The following SNX29 variants were observed in gnomAD, a reference collection of about 807,000 sequenced individuals.
SNX29 encodes sorting nexin 29.
Under a neutral mutation model 102.1 loss-of-function variants are expected in SNX29, and 78 were observed. The ratio of observed to expected loss-of-function variants is 0.76; its 90% CI spans 0.64 to 0.92. The LOEUF is 0.92. Among genes scored for constraint, SNX29 ranks in the 40% least tolerant of loss-of-function variants. The pLI, the probability that SNX29 is intolerant of heterozygous loss-of-function variation, is 0.00. For missense variants in SNX29, 1,280 were observed against 1,061.7 expected (o/e 1.21, Z -2.86); for synonymous variants, 580 against 414.5 (o/e 1.40, Z -4.85).
chr16:12,320,300 C>G (rs1323253377), intron 15 of SNX29, among the ~76,000 whole-genome samples: 1 of 152,212 alleles, frequency 6.6e-6, no homozygotes, highest in East Asian at 1.9e-4. Flanking sequence ...CCAGCCCTGC[C>G]ATTGGAAGGG....
Position 12,572,741 on chromosome 16 carries a change from C to CT in SNX29, c.*4113dup. 9.4e-7 allele frequency: 1 copy of CT among 1,064,104 alleles called. No homozygotes were observed. The highest frequency in any genetic ancestry group is 1.6e-5 in the African/African-American group (1 of 61,128). The allele number at this position is 1,064,104 out of a possible 1,614,324, so 65.9% of individuals were successfully genotyped here. A position where few individuals can be genotyped will look rare whatever the true frequency, so the allele number is the denominator to read the frequency against. Reference sequence around the variant, plus strand: ...CACAGAACTGATGGCAAAGGAAGGGCTGGGTTTTCAGCTTCTGGGACCCGA... The same window carrying CT: ...CACAGAACTGATGGCAAAGGAAGGGCTTGGGTTTTCAGCTTCTGGGACCCGA... On this transcript the variant is annotated 3_prime_UTR_variant, in exon 21 of 21. Transcript: ENST00000566228.
chr16:12,528,824 G>A (rs1003957364), intron 20 of SNX29, among the ~76,000 whole-genome samples: 1 of 152,234 alleles, frequency 6.6e-6, no homozygotes, highest in Non-Finnish European at 1.5e-5. Flanking sequence ...CAGGGCCACT[G>A]ATCAGCTTCA....
intron 18 of SNX29, among the ~76,000 whole-genome samples, chr16:12,463,980 A>G (rs2086935030): frequency 6.6e-6 from 1 of 152,046 alleles, no homozygotes; most frequent in South Asian, 2.1e-4. Flanking sequence ...AAGTTATAAG[A>G]TGTACCCTTT....
intron 20 of SNX29, among the ~76,000 whole-genome samples, chr16:12,536,344 C>G (rs544693131): frequency 2.0e-5 from 3 of 151,968 alleles, no homozygotes; most frequent in Non-Finnish European, 4.4e-5. Flanking sequence ...GGAAACAAGC[C>G]GTACTGTCAG....
intron 3 of SNX29, among the ~76,000 whole-genome samples, chr16:12,012,347 G>C (rs2151060552): frequency 6.6e-6 from 1 of 152,232 alleles, no homozygotes; most frequent in South Asian, 2.1e-4. Flanking sequence ...AAAGTCAGCA[G>C]GTTCTTCTCT....
Position 12,098,895 on chromosome 16 carries a change from A to G in SNX29, c.1402+19980A>G, listed in dbSNP as rs1329611819. ...GTGGGTGGGCTCTGAGAGAACCCAC[A>G]GGAGCTGAGCTGAGGAAGAGCGCCT... is the stretch of plus-strand genomic sequence containing the variant. On this transcript the variant is annotated intron_variant, in intron 11 of 20. Coordinates refer to ENST00000566228, the MANE Select transcript of SNX29 (RefSeq NM_032167.5). The surrounding 1 kb of genome is among the most constrained non-coding windows in gnomAD (Gnocchi z 6.0). Among the ~76,000 whole-genome samples the G allele has an allele frequency of 1.3e-5, 2 of 152,224 alleles. No homozygotes were observed. Among genetic ancestry groups the G allele is most frequent in the Non-Finnish European group, 2.9e-5 (2 of 68,042 alleles).
chr16:12,312,078 G>T (rs1314060415), intron 15 of SNX29, among the ~76,000 whole-genome samples: 2 of 152,172 alleles, frequency 1.3e-5, no homozygotes, highest in Non-Finnish European at 2.9e-5. Context: ...TCAGGTGGCT[G>T]CTCTGAGCTG....
intron 20 of SNX29, among the ~76,000 whole-genome samples, chr16:12,567,931 G>T (rs181564235): frequency 6.6e-6 from 1 of 152,238 alleles, no homozygotes; most frequent in Admixed American, 6.5e-5. Flanking sequence ...CTGTGTGTTC[G>T]CGTTGCTTCA....
intron 19 of SNX29, among the ~76,000 whole-genome samples, chr16:12,509,228 C>A (rs143947476): frequency 6.6e-6 from 1 of 152,154 alleles, no homozygotes; most frequent in East Asian, 1.9e-4. Flanking sequence ...CAGTTGGAAT[C>A]GAGTGTGAAG....
intron 4 of SNX29, among the ~76,000 whole-genome samples, chr16:12,035,897 T>A (rs887526076): frequency 6.6e-6 from 1 of 152,218 alleles, no homozygotes; most frequent in Non-Finnish European, 1.5e-5. Context: ...CTTCATCCCG[T>A]TCCCTTTCTT....
At chr16:12,529,557 C>T (rs750678443) in intron 20 of SNX29, among the ~76,000 whole-genome samples, 1 of 151,896 alleles carries the variant, frequency 6.6e-6, no homozygotes, top group Non-Finnish European at 1.5e-5. Context: ...ACATTATGTT[C>T]TCCTGCTCCT....
At chr16:12,371,598 C>T (rs2082685086) in intron 16 of SNX29, among the ~76,000 whole-genome samples, 1 of 152,228 alleles carries the variant, frequency 6.6e-6, no homozygotes, top group East Asian at 1.9e-4. Flanking sequence ...AGCCACTGCA[C>T]CCAGCCAGAT....
intron 15 of SNX29, among the ~76,000 whole-genome samples, chr16:12,314,553 G>A (rs1354587208): frequency 1.3e-5 from 2 of 152,230 alleles, no homozygotes; most frequent in African/African-American, 2.4e-5. Context: ...GACTAAATGA[G>A]TTAGTGTTTA....
intron 13 of SNX29, among the ~76,000 whole-genome samples, chr16:12,170,358 C>CGTTT (rs1191122318): frequency 1.3e-5 from 2 of 151,778 alleles, no homozygotes; most frequent in Non-Finnish European, 2.9e-5. Flanking sequence ...GGCCGTGTAG[C>CGTTT]GTTTGTGGCA....
At chr16:12,036,561 C>G (rs1320168965) in intron 4 of SNX29, among the ~76,000 whole-genome samples, 1 of 152,150 alleles carries the variant, frequency 6.6e-6, no homozygotes. Context: ...GTCTCGATCT[C>G]CTGACCTCGT....
chr16:12,106,681 G>C lies in SNX29; in HGVS notation c.1403-19952G>C, dbSNP rs372664969. ...TTTTTGGTAGAGACAGGGTCTCACTGTGTTGCCTAGGCTTATCTATGACTC... is the reference window on the plus strand; with the variant it reads ...TTTTTGGTAGAGACAGGGTCTCACTCTGTTGCCTAGGCTTATCTATGACTC... On this transcript the variant is annotated intron_variant, in intron 11 of 20. Coordinates refer to ENST00000566228, the MANE Select transcript of SNX29 (RefSeq NM_032167.5). 2.7e-5 allele frequency among the ~76,000 whole-genome samples: 4 copies of C among 149,546 alleles called. No individual in the cohort carries two copies. The South Asian group carries it at 8.4e-4, about 32-fold the overall frequency.
At chr16:12,011,963 T>G (rs2056668855) in intron 3 of SNX29, among the ~76,000 whole-genome samples, 1 of 152,230 alleles carries the variant, frequency 6.6e-6, no homozygotes, top group Non-Finnish European at 1.5e-5. Context: ...TTTTTTTGTA[T>G]GACTAGACAT....
intron 14 of SNX29, among the ~76,000 whole-genome samples, chr16:12,224,862 T>G (rs1009886662): frequency 5.3e-5 from 8 of 152,056 alleles, no homozygotes; most frequent in Admixed American, 2.0e-4. Context: ...GCAGGATCAG[T>G]TCTCATGAAC....
chr16:12,249,483 C>T (rs190117186), intron 14 of SNX29, among the ~76,000 whole-genome samples: 15 of 152,300 alleles, frequency 9.8e-5, no homozygotes, highest in Middle Eastern at 3.4e-3. Flanking sequence ...CAGTCCAGGA[C>T]GGGACTGCAC....
Sources: allele counts gnomAD v4.1 joint callset (sites outside exome capture counted in the v4.1 genomes callset), GRCh38; gene constraint gnomAD v4.1.1; non-coding constraint Gnocchi (gnomAD v3.1); transcripts MANE v1.5; gene names NCBI Gene and HGNC (gene_info 2026-07-23, HGNC 2026-07-21).